Variants in SLC10A7 observed in about 807,000 individuals in gnomAD.
SLC10A7 encodes the protein solute carrier family 10 member 7, also known as sodium/bile acid cotransporter 7.
A neutral mutation model predicts 43.2 loss-of-function variants in SLC10A7; 29 were observed. The ratio of observed to expected loss-of-function variants is 0.67; its 90% confidence interval spans 0.50 to 0.92. The LOEUF is 0.92. SLC10A7 is among the 40% of genes least tolerant of loss of function. The pLI is 0.00. For missense variants in SLC10A7, 295 were observed against 403.2 expected (o/e 0.73, Z 2.30); for synonymous variants, 152 against 144.8 (o/e 1.05, Z -0.35).
Position 146,521,732 on chromosome 4 carries a change from G to A in SLC10A7, c.-15C>T, listed in dbSNP as rs773959353. On this transcript the variant is annotated 5_prime_UTR_variant, in exon 1 of 12. Transcript: ENST00000335472. ...AGCAGCCTCATATTTGTTAGGGTGG[G>A]TGGGTTTTGTTTATTTGTTTGGCTT... 5.6e-6 allele frequency: 9 copies of A among 1,607,288 alleles called. No homozygotes were observed. The South Asian group carries it at 9.9e-5, about 18-fold the overall frequency.
At chr4:146,261,946 T>C (rs1425735011) in intron 10 of SLC10A7, among the ~76,000 whole-genome samples, 2 of 152,236 alleles carry the variant, frequency 1.3e-5, no homozygotes, top group Admixed American at 1.3e-4. Flanking sequence ...CTTTATTTTA[T>C]TTCAGACAAT....
chr4:146,366,739 C>T (rs1736419129), intron 5 of SLC10A7, among the ~76,000 whole-genome samples: 1 of 152,098 alleles, frequency 6.6e-6, no homozygotes. Flanking sequence ...TAGACATTTA[C>T]TATTTTTATA....
chr4:146,311,322 T>C (rs991268722), intron 6 of SLC10A7, among the ~76,000 whole-genome samples: 1 of 152,290 alleles, frequency 6.6e-6, no homozygotes, highest in South Asian at 2.1e-4. Context: ...TGACTGTCTG[T>C]AGAATCACAG....
At chr4:146,469,599 T>A (rs1733376513) in intron 4 of SLC10A7, among the ~76,000 whole-genome samples, 1 of 152,154 alleles carries the variant, frequency 6.6e-6, no homozygotes, top group African/African-American at 2.4e-5. Context: ...TTTCAACCTA[T>A]AAAGGAGTAT....
At chr4:146,476,347 G>A (rs536599512) in intron 4 of SLC10A7, among the ~76,000 whole-genome samples, 3 of 152,290 alleles carry the variant, frequency 2.0e-5, no homozygotes, top group East Asian at 3.9e-4. Context: ...AGGCGGAGGC[G>A]AGAGGCAGGG....
chr4:146,361,585 G>T (rs1578992772), intron 5 of SLC10A7, among the ~76,000 whole-genome samples: 1 of 152,236 alleles, frequency 6.6e-6, no homozygotes, highest in East Asian at 1.9e-4. Context: ...AAACTCCTTT[G>T]AATTCCTGGA....
At position 146,326,801 on chromosome 4, in the gene SLC10A7, A is replaced by G. The variant is rs181624786; in HGVS notation, c.436-805T>C. On this transcript the variant is annotated intron_variant, in intron 5 of 11. Transcript: ENST00000335472. The stretch of plus-strand genomic sequence containing the variant: ...TTTTTCCTTTGTCTCTCAACATTTC[A>G]TTATGATTTATACCAGAAAAAACAT... 1.9e-3 allele frequency among the ~76,000 whole-genome samples: 293 copies of G among 152,276 alleles called. 2 individuals are homozygous for G. The highest frequency in any genetic ancestry group is 6.8e-3 in the African/African-American group (283 of 41,552).
intron 4 of SLC10A7, among the ~76,000 whole-genome samples, chr4:146,482,573 G>GA (rs1260339814): frequency 4.2e-4 from 28 of 67,356 alleles, no homozygotes; most frequent in African/African-American, 1.2e-3. Flanking sequence ...TCAGTCAGAA[G>GA]AAAAAATAAG....
chr4:146,326,211 C>T (rs1733093202), intron 5 of SLC10A7, among the ~76,000 whole-genome samples: 1 of 152,244 alleles, frequency 6.6e-6, no homozygotes, highest in African/African-American at 2.4e-5. Flanking sequence ...GAAAGCACAA[C>T]CACCAATCTG....
At chr4:146,473,454 T>G (rs749056751) in intron 4 of SLC10A7, among the ~76,000 whole-genome samples, 4 of 152,182 alleles carry the variant, frequency 2.6e-5, no homozygotes, top group Non-Finnish European at 5.9e-5. Context: ...TATATTCCAC[T>G]GAAAATTTCT....
intron 10 of SLC10A7, among the ~76,000 whole-genome samples, chr4:146,277,514 AC>A (rs1427641708): frequency 1.3e-5 from 2 of 152,134 alleles, no homozygotes; most frequent in Admixed American, 6.6e-5. Context: ...ACACTCCCTC[AC>A]TTTTCTTTAG....
intron 6 of SLC10A7, among the ~76,000 whole-genome samples, chr4:146,313,024 G>C (rs761014557): frequency 6.6e-6 from 1 of 152,182 alleles, no homozygotes; most frequent in Non-Finnish European, 1.5e-5. Flanking sequence ...TCAATCCTGA[G>C]TGTGGTTTGG....
At chr4:146,259,962 A>G (rs1250139645) in intron 10 of SLC10A7, among the ~76,000 whole-genome samples, 1 of 152,254 alleles carries the variant, frequency 6.6e-6, no homozygotes, top group African/African-American at 2.4e-5. Context: ...ACTTTTTATT[A>G]GAACACAACA....
chr4:146,374,107 C>T (rs1736990616), intron 5 of SLC10A7, among the ~76,000 whole-genome samples: 1 of 152,174 alleles, frequency 6.6e-6, no homozygotes, highest in African/African-American at 2.4e-5. Context: ...TTTGGATCTG[C>T]TTCTCCATTT....
At chr4:146,286,704 CTGGAGTGGTGAGAAGGACTGAGTT>C (rs1578789018) in intron 9 of SLC10A7, among the ~76,000 whole-genome samples, 3 of 36,450 alleles carry the variant, frequency 8.2e-5, no homozygotes, top group South Asian at 9.4e-4. Flanking sequence ...AGGACTGTGT[CTGGAGTGGTGAGAAGGACTGAGTT>C]TGGAGTGGTG....
intron 5 of SLC10A7, among the ~76,000 whole-genome samples, chr4:146,339,756 T>C (rs1018505568): frequency 4.0e-5 from 6 of 151,856 alleles, no homozygotes; most frequent in African/African-American, 1.5e-4. Flanking sequence ...TTTTTTCTCA[T>C]ATCCTCACTT....
chr4:146,491,632 G>A (rs1428431753), intron 4 of SLC10A7, among the ~76,000 whole-genome samples: 1 of 150,554 alleles, frequency 6.6e-6, no homozygotes, highest in Non-Finnish European at 1.5e-5. Flanking sequence ...TTCAGTTTCT[G>A]CCTGTGTGAA....
chr4:146,348,747 T>C (rs1385769087), intron 5 of SLC10A7, among the ~76,000 whole-genome samples: 1 of 152,194 alleles, frequency 6.6e-6, no homozygotes, highest in Non-Finnish European at 1.5e-5. Context: ...GTAGAATTTT[T>C]AATGCCTGAT....
At chr4:146,310,887 C>G (rs1370613214) in intron 6 of SLC10A7, among the ~76,000 whole-genome samples, 1 of 140,320 alleles carries the variant, frequency 7.1e-6, no homozygotes, top group Admixed American at 8.1e-5. Context: ...CAGTGTGAAA[C>G]AGGGGAAGGG....
Sources: gnomAD v4.1 joint callset for allele counts (sites outside exome capture counted in the v4.1 genomes callset) on GRCh38, gnomAD v4.1.1 for gene constraint, MANE v1.5 for transcripts, NCBI Gene and HGNC (gene_info 2026-07-23, HGNC 2026-07-21) for gene names.